YY1: variants seen among roughly 807,000 people sequenced by gnomAD.
The protein encoded by YY1 is YY1 transcription factor.
A neutral mutation model predicts 35.6 loss-of-function variants in YY1; 2 were observed. The observed-to-expected ratio is 0.06, with a 90% CI of 0.02 to 0.18. The LOEUF (loss-of-function observed/expected upper bound fraction) is 0.18, where lower values mean the gene tolerates loss of function less well. Among genes scored for constraint, YY1 ranks in the 10% least tolerant of loss-of-function variants. The pLI, the probability that YY1 is intolerant of heterozygous loss-of-function variation, is 1.00. For missense variants in YY1, 322 were observed against 573.4 expected, an observed-to-expected ratio of 0.56 and a Z score of 4.48; for synonymous variants, 268 against 238.9, an observed-to-expected ratio of 1.12 and a Z score of -1.12.
chr14:100,272,223 G>A (rs1225022003), intron 2 of YY1, among the ~76,000 whole-genome samples: 2 of 151,824 alleles, frequency 1.3e-5, no homozygotes, highest in Non-Finnish European at 1.5e-5. Context: ...ATGAACCTGG[G>A]AGGCGGAGCT....
At chr14:100,273,319 G>A (rs753685921) in intron 2 of YY1, among the ~76,000 whole-genome samples, 96 of 151,604 alleles carry the variant, frequency 6.3e-4, no homozygotes, top group Non-Finnish European at 1.1e-3. Context: ...ACAGAGTTTC[G>A]TTCTGTCACT....
At position 100,276,409 on chromosome 14, in the gene YY1, T is replaced by G; in HGVS notation, c.904-81T>G. 1 of 1,603,294 alleles carries G rather than the reference T, an allele frequency of 6.2e-7. No individual in the cohort carries two copies. The highest frequency in any genetic ancestry group is 1.1e-5 in the South Asian group (1 of 90,598). ...TTGGGGAGGTGGTTTTGTTTTAATA[T>G]GTCAGTAAAGGCTGTTAAATGGTTG... On this transcript the variant is annotated intron_variant, in intron 3 of 4. Transcript: ENST00000262238. This position sits in a 1 kb window ranked among gnomAD's most constrained non-coding sequence, Gnocchi z 4.1.
Position 100,251,718 on chromosome 14 carries a change from A to G in YY1, c.680-10586A>G, listed in dbSNP as rs1035027965. 1.5e-4 allele frequency among the ~76,000 whole-genome samples: 22 copies of G among 144,216 alleles called. No homozygotes were observed. In the East Asian group the frequency reaches 4.2e-3, roughly 28 times the overall value. The allele number at this position is 144,216 out of a possible 152,430, so 94.6% of individuals were successfully genotyped here. On this transcript the variant is annotated intron_variant, in intron 1 of 4. Transcript: ENST00000262238. ...TAACATGTTACCTTGTTTTAGCCTT[A>G]TAAGATCAGTGGTATCCTTCCTCCC...
At position 100,239,182 on chromosome 14, in the gene YY1, C is replaced by CGCCA; in HGVS notation, c.-60_-59insAGCC. 1 of 1,331,508 alleles carries CGCCA rather than the reference C, an allele frequency of 7.5e-7. No homozygotes were observed. Among genetic ancestry groups the CGCCA allele is most frequent in the Non-Finnish European group, 9.5e-7 (1 of 1,048,066 alleles). The allele number at this position is 1,331,508 out of a possible 1,614,324, so 82.5% of individuals were successfully genotyped here. ...CCTTCCCCACGGCCGGCCGCCTCCT[C>CGCCA]GCCCGCCCGCCCGCAGCCGAGGAGC... On this transcript the variant is annotated 5_prime_UTR_variant, in exon 1 of 5. Transcript: ENST00000262238.
chr14:100,247,510 A>C (rs1273620057), intron 1 of YY1, among the ~76,000 whole-genome samples: 1 of 151,860 alleles, frequency 6.6e-6, no homozygotes, highest in Non-Finnish European at 1.5e-5. Context: ...GTGCCCCAAG[A>C]GCTGGGACTA....
At chr14:100,254,600 G>A (rs1012308805) in intron 1 of YY1, among the ~76,000 whole-genome samples, 3 of 151,800 alleles carry the variant, frequency 2.0e-5, no homozygotes, top group African/African-American at 7.3e-5. Flanking sequence ...TGGGATTAAA[G>A]GCACACGCCA....
chr14:100,258,207 G>T (rs74085014), intron 1 of YY1, among the ~76,000 whole-genome samples: 4,604 of 152,124 alleles, frequency 0.03, 257 homozygotes, highest in African/African-American at 0.11. Context: ...TCTGTACCCC[G>T]TGAAAGTTTT....
At position 100,277,604 on chromosome 14, in the gene YY1, G is replaced by A; in HGVS notation, c.*4G>A. 1 of 1,614,096 alleles carries A rather than the reference G, an allele frequency of 6.2e-7. No homozygotes were observed. Among genetic ancestry groups the A allele is most frequent in the Non-Finnish European group, 8.5e-7 (1 of 1,179,986 alleles). On this transcript the variant is annotated 3_prime_UTR_variant, in exon 5 of 5. Coordinates refer to ENST00000262238, the MANE Select transcript of YY1 (RefSeq NM_003403.5). The surrounding 1 kb of genome is among the most constrained non-coding windows in gnomAD (Gnocchi z 5.6). ...TAAGGCCAAAAACAACCAGTGAAAA[G>A]AAGAGAGAAGACCCTTCTCGACCAC...
intron 1 of YY1, among the ~76,000 whole-genome samples, chr14:100,248,564 G>A (rs1186721191): frequency 3.3e-5 from 5 of 151,718 alleles, no homozygotes; most frequent in African/African-American, 1.2e-4. Flanking sequence ...ATTCACAGGT[G>A]TGATCATTGT....
intron 1 of YY1, among the ~76,000 whole-genome samples, chr14:100,251,540 T>A (rs992702602): frequency 3.9e-5 from 6 of 152,242 alleles, no homozygotes; most frequent in African/African-American, 1.4e-4. Flanking sequence ...TAGCATCCCC[T>A]GTATAGCTTC....
intron 2 of YY1, among the ~76,000 whole-genome samples, chr14:100,273,940 G>C (rs1481467520): frequency 2.0e-5 from 3 of 152,046 alleles, no homozygotes; most frequent in African/African-American, 7.3e-5. Flanking sequence ...GGCTCTGCCA[G>C]ACGGTTACCA....
chr14:100,276,672 C>T lies in YY1; in HGVS notation c.1062+24C>T. 1 of 1,613,996 alleles carries T rather than the reference C, an allele frequency of 6.2e-7. No homozygotes were observed. Among genetic ancestry groups the T allele is most frequent in the Non-Finnish European group, 8.5e-7 (1 of 1,179,982 alleles). ...AGGTAGAGCCAGTTCCCTCTCTTCC[C>T]CACACTGCCTTGCCTGTCTGAACAC... On this transcript the variant is annotated intron_variant, in intron 4 of 4. Coordinates refer to ENST00000262238, the MANE Select transcript of YY1 (RefSeq NM_003403.5). The surrounding 1 kb of genome is among the most constrained non-coding windows in gnomAD (Gnocchi z 4.1).
intron 1 of YY1, among the ~76,000 whole-genome samples, chr14:100,249,100 ATTTTTTTTTT>A (rs60088505): frequency 3.9e-3 from 184 of 46,836 alleles, no homozygotes; most frequent in African/African-American, 0.012. Flanking sequence ...TTCTCGTGTA[ATTTTTTTTTT>A]TTTTTTTTTT....
intron 1 of YY1, among the ~76,000 whole-genome samples, chr14:100,253,071 A>C (rs1177098393): frequency 1.3e-5 from 2 of 152,166 alleles, no homozygotes; most frequent in Admixed American, 6.5e-5. Context: ...AAACCCATAG[A>C]AACTTCTAAT....
At chr14:100,270,040 A>G (rs1277873291) in intron 2 of YY1, among the ~76,000 whole-genome samples, 1 of 151,896 alleles carries the variant, frequency 6.6e-6, no homozygotes, top group East Asian at 1.9e-4. Flanking sequence ...AGGCAGGTGG[A>G]TCACGAGGTC....
At chr14:100,242,463 A>G (rs1224958120) in intron 1 of YY1, among the ~76,000 whole-genome samples, 1 of 134,142 alleles carries the variant, frequency 7.5e-6, no homozygotes, top group Non-Finnish European at 1.5e-5. Context: ...ATCTCGGCTC[A>G]CGGCAAGCTC....
intron 2 of YY1, among the ~76,000 whole-genome samples, chr14:100,262,755 A>G (rs753496972): frequency 2.0e-5 from 3 of 151,696 alleles, no homozygotes; most frequent in African/African-American, 4.8e-5. Context: ...AGTAGTAACT[A>G]TGCTATTAAT....
At chr14:100,259,291 C>T (rs1022114226) in intron 1 of YY1, among the ~76,000 whole-genome samples, 3 of 152,072 alleles carry the variant, frequency 2.0e-5, no homozygotes, top group Admixed American at 6.6e-5. Context: ...GAGGCCAAGG[C>T]GGGTGGATCA....
chr14:100,260,345 C>T (rs762927936), intron 1 of YY1, among the ~76,000 whole-genome samples: 6 of 148,942 alleles, frequency 4.0e-5, no homozygotes, highest in Non-Finnish European at 7.4e-5. Context: ...GTGGCCTGGC[C>T]GAGAGATCTT....
Sources: gnomAD v4.1 joint callset for allele counts (sites outside exome capture counted in the v4.1 genomes callset) on GRCh38, gnomAD v4.1.1 for gene constraint, Gnocchi (gnomAD v3.1) non-coding constraint, MANE v1.5 for transcripts, NCBI Gene and HGNC (gene_info 2026-07-23, HGNC 2026-07-21) for gene names.